KIAA1958: variants seen among roughly 807,000 people sequenced by gnomAD.
KIAA1958 encodes KIAA1958, also known as uncharacterized protein KIAA1958.
Under a neutral mutation model 47.2 loss-of-function variants are expected in KIAA1958, and 14 were observed. The observed-to-expected ratio is 0.30, with a 90% CI of 0.20 to 0.46. The LOEUF is 0.46. Among genes scored for constraint, KIAA1958 ranks in the 20% least tolerant of loss-of-function variants. The pLI is 1.00. For missense variants in KIAA1958, 803 were observed against 909.2 expected, an observed-to-expected ratio of 0.88 and a Z score of 1.50; for synonymous variants, 354 against 353.3, an observed-to-expected ratio of 1.00 and a Z score of -0.02.
chr9:112,577,330 A>G (rs1361386172), intron 2 of KIAA1958, among the ~76,000 whole-genome samples: 1 of 152,092 alleles, frequency 6.6e-6, no homozygotes, highest in Non-Finnish European at 1.5e-5. Context: ...ATTTTAATGA[A>G]TTATACTTTG....
At chr9:112,560,440 T>G (rs1227705800) in intron 1 of KIAA1958, among the ~76,000 whole-genome samples, 1 of 152,054 alleles carries the variant, frequency 6.6e-6, no homozygotes, top group Non-Finnish European at 1.5e-5. Flanking sequence ...TCCTACAGCA[T>G]TGGCCTCCCA....
At chr9:112,492,859 C>T (rs1181772973) in intron 1 of KIAA1958, among the ~76,000 whole-genome samples, 1 of 151,850 alleles carries the variant, frequency 6.6e-6, no homozygotes, top group African/African-American at 2.4e-5. Flanking sequence ...AAGCAGTCCT[C>T]TCACCTCAGC....
At chr9:112,509,536 A>G (rs1834288800) in intron 1 of KIAA1958, among the ~76,000 whole-genome samples, 1 of 152,222 alleles carries the variant, frequency 6.6e-6, no homozygotes, top group African/African-American at 2.4e-5. Flanking sequence ...AGGTTAAGTC[A>G]GGAGCAAGAT....
intron 2 of KIAA1958, among the ~76,000 whole-genome samples, chr9:112,627,470 C>G (rs180863364): frequency 9.9e-5 from 15 of 152,282 alleles, no homozygotes; most frequent in African/African-American, 3.6e-4. Context: ...TAACAATATT[C>G]AGGCTGGAGG....
chr9:112,563,314 G>C (rs930214880), intron 1 of KIAA1958, among the ~76,000 whole-genome samples: 4 of 151,978 alleles, frequency 2.6e-5, no homozygotes, highest in African/African-American at 9.7e-5. Flanking sequence ...AGATAAATTT[G>C]GGAATAATTG....
At position 112,506,203 on chromosome 9, in the gene KIAA1958, TC is replaced by T. The variant is rs777415995; in HGVS notation, c.-25+19088del. Reference sequence around the variant, plus strand: ...CAGGCGCGGTGGCTCACACCTGTAATCCCAGCACTTTGGGAGGCCGAAGCAG... The same window carrying T: ...CAGGCGCGGTGGCTCACACCTGTAATCCAGCACTTTGGGAGGCCGAAGCAG... On this transcript the variant is annotated intron_variant, in intron 1 of 3. Coordinates refer to ENST00000337530, the MANE Select transcript of KIAA1958 (RefSeq NM_133465.4). 6.0e-3 allele frequency among the ~76,000 whole-genome samples: 912 copies of T among 152,278 alleles called. 5 individuals carry two copies. Among genetic ancestry groups the T allele is most frequent in the South Asian group, 0.021 (102 of 4,810 alleles).
At chr9:112,652,011 C>T (rs893030897) in intron 3 of KIAA1958, among the ~76,000 whole-genome samples, 4 of 152,158 alleles carry the variant, frequency 2.6e-5, no homozygotes, top group South Asian at 2.1e-4. Context: ...AGACTACAGG[C>T]GTGCAACACC....
intron 3 of KIAA1958, among the ~76,000 whole-genome samples, chr9:112,652,432 TG>T (rs1321082777): frequency 1.3e-5 from 2 of 152,200 alleles, no homozygotes; most frequent in Admixed American, 1.3e-4. Context: ...CGGGCCAGAA[TG>T]AACTGTTTCT....
At chr9:112,657,819 T>G (rs1453842308) in intron 3 of KIAA1958, among the ~76,000 whole-genome samples, 2 of 152,090 alleles carry the variant, frequency 1.3e-5, no homozygotes, top group Non-Finnish European at 2.9e-5. Context: ...AATAAAGAGC[T>G]CATTCTGTCA....
At position 112,661,685 on chromosome 9, in the gene KIAA1958, C is replaced by T. The variant is rs1267626945; in HGVS notation, c.*1616C>T. 3 of 152,204 alleles carry T rather than the reference C, an allele frequency of 2.0e-5. No individual in the cohort carries two copies. The highest frequency in any genetic ancestry group is 2.9e-5 in the Non-Finnish European group (2 of 68,038). 9.4% of individuals were successfully genotyped at this position (152,204 alleles called of 1,614,324 possible). ...TTTAATGTTATTCCCTTTTTAGTCA[C>T]TGTGCATTTATAAGTTTGTTTACTA... is the stretch of plus-strand genomic sequence containing the variant. On this transcript the variant is annotated 3_prime_UTR_variant, in exon 4 of 4. Transcript: ENST00000337530.
chr9:112,655,306 C>G (rs1837130246), intron 3 of KIAA1958, among the ~76,000 whole-genome samples: 1 of 152,162 alleles, frequency 6.6e-6, no homozygotes, highest in Admixed American at 6.5e-5. Context: ...GAATCAAACA[C>G]TTCCCATGAT....
At chr9:112,557,136 CT>C (rs1343300694) in intron 1 of KIAA1958, among the ~76,000 whole-genome samples, 1 of 148,116 alleles carries the variant, frequency 6.8e-6, no homozygotes, top group East Asian at 2.0e-4. Flanking sequence ...TTTTTCCAGT[CT>C]TTTGTAGAGA....
intron 2 of KIAA1958, among the ~76,000 whole-genome samples, chr9:112,623,877 G>A (rs534396442): frequency 6.6e-6 from 1 of 152,330 alleles, no homozygotes; most frequent in East Asian, 1.9e-4. Context: ...GAGGTAGACT[G>A]TGAACCTATT....
intron 1 of KIAA1958, among the ~76,000 whole-genome samples, chr9:112,545,482 T>A (rs6477948): frequency 0.95 from 145,381 of 152,296 alleles, 69,462 homozygotes; most frequent in African/African-American, 0.99. Context: ...TCTTGTTATA[T>A]GCCATTCTAT....
intron 1 of KIAA1958, among the ~76,000 whole-genome samples, chr9:112,555,845 CG>C (rs1165960014): frequency 6.6e-6 from 1 of 152,146 alleles, no homozygotes; most frequent in African/African-American, 2.4e-5. Flanking sequence ...GAGGCCAAGG[CG>C]GGCAGATCAC....
chr9:112,509,651 A>G (rs983579903), intron 1 of KIAA1958, among the ~76,000 whole-genome samples: 1 of 152,220 alleles, frequency 6.6e-6, no homozygotes, highest in Admixed American at 6.5e-5. Context: ...TACATTTATC[A>G]CCATTTCCAG....
chr9:112,548,777 A>G (rs1049995511), intron 1 of KIAA1958, among the ~76,000 whole-genome samples: 4 of 152,242 alleles, frequency 2.6e-5, no homozygotes, highest in African/African-American at 7.2e-5. Context: ...TGGGCTGAAT[A>G]TAATCATATT....
At chr9:112,547,206 A>C (rs927556290) in intron 1 of KIAA1958, among the ~76,000 whole-genome samples, 2 of 141,528 alleles carry the variant, frequency 1.4e-5, no homozygotes, top group East Asian at 4.2e-4. Flanking sequence ...GCGAAACCCC[A>C]TCTCTACTAA....
intron 2 of KIAA1958, among the ~76,000 whole-genome samples, chr9:112,632,933 G>A (rs1183814760): frequency 1.4e-5 from 2 of 146,324 alleles, no homozygotes; most frequent in Non-Finnish European, 3.0e-5. Context: ...TAAAAAAAGA[G>A]CCATTTAGAT....
Sources: gnomAD v4.1 joint callset for allele counts (sites outside exome capture counted in the v4.1 genomes callset) on GRCh38, gnomAD v4.1.1 for gene constraint, MANE v1.5 for transcripts, NCBI Gene and HGNC (gene_info 2026-07-23, HGNC 2026-07-21) for gene names.